The following POLRMT variants were observed in gnomAD, a reference collection of about 807,000 sequenced individuals.
The protein encoded by POLRMT is RNA polymerase mitochondrial, also known as DNA-directed RNA polymerase, mitochondrial.
A neutral mutation model predicts 132.2 loss-of-function variants in POLRMT; 114 were observed. The observed-to-expected ratio is 0.86, with a 90% CI of 0.74 to 1.01. POLRMT has a LOEUF of 1.01. Ranked by LOEUF, POLRMT falls within the 50% of genes least tolerant of loss-of-function variation. The pLI, the probability that POLRMT is intolerant of heterozygous loss-of-function variation, is 0.00. For synonymous variants in POLRMT, 1,020 were observed against 773.4 expected (o/e 1.32, Z -5.29); for missense variants, 2,003 against 1,729.1 (o/e 1.16, Z -2.81).
intron 2 of POLRMT, among the ~76,000 whole-genome samples, chr19:631,037 T>C (rs1429895150): frequency 1.3e-5 from 2 of 151,904 alleles, no homozygotes; most frequent in Non-Finnish European, 2.9e-5. Context: ...CATGTGTCTA[T>C]AGTACCAGCT....
chr19:633,324 G>A lies in POLRMT; in HGVS notation c.88+101C>T, dbSNP rs375526877. On this transcript the variant is annotated intron_variant, in intron 1 of 20. Coordinates refer to ENST00000588649, the MANE Select transcript of POLRMT (RefSeq NM_005035.4). Reference sequence around the variant, plus strand: ...CGGGTCGGTGGGCTGCGCACGCCCAGGTGCAAAGAGGCAAAGGTCAAAGCG... The same window carrying A: ...CGGGTCGGTGGGCTGCGCACGCCCAAGTGCAAAGAGGCAAAGGTCAAAGCG... 51 of 1,325,744 alleles carry A rather than the reference G, an allele frequency of 3.8e-5. 2 individuals are homozygous for A. The East Asian group carries it at 8.2e-4, about 21-fold the overall frequency. 82.1% of individuals were successfully genotyped at this position (1,325,744 alleles called of 1,614,324 possible). A position where few individuals can be genotyped will look rare whatever the true frequency, so the allele number is the denominator to read the frequency against.
chr19:632,536 C>CGG (rs1286873223), intron 2 of POLRMT, among the ~76,000 whole-genome samples: 548 of 70,638 alleles, frequency 7.8e-3, no homozygotes, highest in Non-Finnish European at 0.013. Flanking sequence ...GCGGCGGGGC[C>CGG]GGGGGGGGGG....
At position 632,941 on chromosome 19, in the gene POLRMT, G is replaced by C. The variant is rs1219968551; in HGVS notation, c.89-3C>G. On this transcript the variant is annotated splice_region_variant and splice_polypyrimidine_tract_variant and intron_variant, in intron 1 of 20. Coordinates refer to ENST00000588649, the MANE Select transcript of POLRMT (RefSeq NM_005035.4). ...GCCGCAGACGCCACCGGCGGTCCCT[G>C]CGGGAAAGACGAGAGCGGCTGAGCG... The C allele has an allele frequency of 6.0e-6, 9 of 1,503,494 alleles. No homozygotes were observed. The highest frequency in any genetic ancestry group is 7.1e-6 in the Non-Finnish European group (8 of 1,130,726). The allele number at this position is 1,503,494 out of a possible 1,614,324, so 93.1% of individuals were successfully genotyped here. A position where few individuals can be genotyped will look rare whatever the true frequency, so the allele number is the denominator to read the frequency against.
chr19:633,392 C>T (rs763826649), intron 1 of POLRMT, 33 bp downstream of exon 1: 1 of 1,486,948 alleles, frequency 6.7e-7, no homozygotes, highest in East Asian at 2.7e-5. Flanking sequence ...CGCCGTGGCC[C>T]CCGGGCTGCC....
At chr19:623,751 T>A in intron 5 of POLRMT, 148 bp from the exon 6 acceptor site, 1 of 1,006,508 alleles carries the variant, frequency 9.9e-7, no homozygotes, top group Non-Finnish European at 1.4e-6. Flanking sequence ...GGGCTGCGGG[T>A]AAAGTCAGTG....
At chr19:620,541 G>C (rs944677308) in intron 10 of POLRMT, 54 bp from the exon 11 acceptor site, 1 of 1,472,684 alleles carries the variant, frequency 6.8e-7, no homozygotes, top group Non-Finnish European at 9.0e-7. Context: ...CCCTGAGCCC[G>C]CTGGGAGGCT....
intron 3 of POLRMT, among the ~76,000 whole-genome samples, chr19:628,002 A>G (rs1985145954): frequency 6.6e-6 from 1 of 151,728 alleles, no homozygotes; most frequent in Non-Finnish European, 1.5e-5. Flanking sequence ...TACTAAAAAT[A>G]AAAATTAAAA....
chr19:624,139 T>A (rs914915925), intron 5 of POLRMT, among the ~76,000 whole-genome samples: 1 of 152,112 alleles, frequency 6.6e-6, no homozygotes, highest in East Asian at 1.9e-4. Context: ...CACCGGAGCA[T>A]GACTCAGCCC....
At chr19:623,333 G>C (rs1262888737) in intron 6 of POLRMT, 121 bp downstream of exon 6, 12 of 1,470,008 alleles carry the variant, frequency 8.2e-6, no homozygotes, top group Non-Finnish European at 1.1e-5. Flanking sequence ...CCCCTGCGGC[G>C]GACACGCGAC....
chr19:631,495 C>A (rs1465446912), intron 2 of POLRMT, among the ~76,000 whole-genome samples: 1 of 151,058 alleles, frequency 6.6e-6, no homozygotes, highest in Non-Finnish European at 1.5e-5. Flanking sequence ...AAAAATTAAC[C>A]GGGCGTGGTG....
At position 617,769 on chromosome 19, in the gene POLRMT, GGGGGCACCT is replaced by G; in HGVS notation, c.3494_3495+7del. ...ATGGGTGGACTGAGGCTCAGACTAC[GGGGGCACCT>G]GGTTCATGACGGAGACATCAGCTGC... On this transcript the variant is annotated splice_donor_variant and splice_donor_5th_base_variant and coding_sequence_variant and intron_variant, in exon 18 of 21. Coordinates refer to ENST00000588649, the MANE Select transcript of POLRMT (RefSeq NM_005035.4). LOFTEE classifies it high-confidence loss of function. 1.2e-6 allele frequency: 2 copies of G among 1,613,020 alleles called. No individual in the cohort carries two copies. The highest frequency in any genetic ancestry group is 1.7e-6 in the Non-Finnish European group (2 of 1,179,700).
At position 618,518 on chromosome 19, in the gene POLRMT, T is replaced by A. The variant is rs766315941; in HGVS notation, c.3392A>T (p.His1131Leu). 6.2e-7 allele frequency: 1 copy of A among 1,612,856 alleles called. No individual in the cohort carries two copies. Among genetic ancestry groups the A allele is most frequent in the Non-Finnish European group, 8.5e-7 (1 of 1,179,264 alleles). Reference sequence around the variant, plus strand: ...GCAGTGCAGGGCGGTGAGCATCATGTGGGAGGAGTCCAGCGAGTGGATGAA... The same window carrying A: ...GCAGTGCAGGGCGGTGAGCATCATGAGGGAGGAGTCCAGCGAGTGGATGAA... ...PNFIHSLDSS[H>L]MMLTALHCYR... Residue 1131 changes from histidine to leucine, a missense_variant, in exon 17 of 21, where the codon CAC (histidine) becomes CTC (leucine). Physicochemically the swap from His to Leu is moderately conservative, Grantham distance 99. Transcript: ENST00000588649.
chr19:619,309 G>C lies in POLRMT; in HGVS notation c.3067-13C>G. On this transcript the variant is annotated splice_polypyrimidine_tract_variant and intron_variant, in intron 13 of 20. Transcript: ENST00000588649. ...CCCACACGAACTCCTGCAGAGGGCG[G>C]GCAGCAGGTGCAGGTCCTCAGGGGC... The C allele has an allele frequency of 6.2e-7, 1 of 1,608,302 alleles. No homozygotes were observed. Among genetic ancestry groups the C allele is most frequent in the East Asian group, 2.2e-5 (1 of 44,804 alleles).
rs762676956 is a variant in POLRMT, at chr19:624,802, T to A, written c.1057A>T (p.Lys353Ter). Reference sequence around the variant, plus strand: ...GGGAGGCTGAAGGTGGGCTTCACCTTGTGCACGGCCTTCAGAACAGTGGCC... The same window carrying A: ...GGGAGGCTGAAGGTGGGCTTCACCTAGTGCACGGCCTTCAGAACAGTGGCC... ...DRATVLKAVH[K>*]VKPTFSLPPQ... The change falls in exon 5 of 21, where the codon AAG becomes TAG. Residue 353 changes from lysine to a stop codon, truncating the protein, a stop_gained. Coordinates refer to ENST00000588649, the MANE Select transcript of POLRMT (RefSeq NM_005035.4). LOFTEE classifies it high-confidence loss of function. 1 of 1,613,518 alleles carries A rather than the reference T, an allele frequency of 6.2e-7. No homozygotes were observed. Among genetic ancestry groups the A allele is most frequent in the Non-Finnish European group, 8.5e-7 (1 of 1,180,008 alleles).
chr19:622,117 GC>G (rs755065394), intron 9 of POLRMT, 31 bp downstream of exon 9: 2 of 1,507,214 alleles, frequency 1.3e-6, no homozygotes, highest in Non-Finnish European at 1.8e-6. Flanking sequence ...CCAGCGGGAT[GC>G]CCCCCAGCTC....
At chr19:619,358 C>T in intron 13 of POLRMT, 62 bp from the exon 14 acceptor site, 2 of 1,553,174 alleles carry the variant, frequency 1.3e-6, no homozygotes, top group Non-Finnish European at 8.8e-7. Context: ...CCCTACTCCC[C>T]CCTATTTCAG....
rs748687181 is a variant in POLRMT, at chr19:621,775, G to A, written c.1923C>T (p.Phe641=). 4.4e-6 allele frequency: 7 copies of A among 1,601,966 alleles called. No individual in the cohort carries two copies. Among genetic ancestry groups the A allele is most frequent in the Admixed American group, 1.7e-5 (1 of 59,992 alleles). Reference sequence around the variant, plus strand: ...AAAGCATGGGTACATCCACCGCCTCGAAGGTCAGCGTGGGCTCCGCGGCCT... The same window carrying A: ...AAAGCATGGGTACATCCACCGCCTCAAAGGTCAGCGTGGGCTCCGCGGCCT... The part of the protein sequence containing the change: ...LEKAAEPTLT[F]EAVDVPMLCP... The change falls in exon 10 of 21, where the codon TTC becomes TTT. Residue 641 remains phenylalanine (F), a synonymous_variant. Coordinates refer to ENST00000588649, the MANE Select transcript of POLRMT (RefSeq NM_005035.4).
intron 2 of POLRMT, 132 bp downstream of exon 2, chr19:632,702 G>A: frequency 5.8e-6 from 4 of 692,046 alleles, no homozygotes; most frequent in South Asian, 2.0e-5. Context: ...CAGCAACGCC[G>A]TCTGGGCGTG....
chr19:619,054 C>A lies in POLRMT; in HGVS notation c.3210G>T (p.Trp1070Cys). ...TGACGGGGACGCCCAGGGGTGTGAC[C>A]CACTCCACCACAGAGCCCATGTGGG... ...LISHMGSVVEWVTPLGVPVIQ... is the reference protein window; with the variant it reads ...LISHMGSVVECVTPLGVPVIQ... The change falls in exon 15 of 21, where the codon TGG becomes TGT. Residue 1070 changes from tryptophan to cysteine, a missense_variant. Coordinates refer to ENST00000588649, the MANE Select transcript of POLRMT (RefSeq NM_005035.4). 1.2e-6 allele frequency: 2 copies of A among 1,607,610 alleles called. No individual in the cohort carries two copies. Among genetic ancestry groups the A allele is most frequent in the Non-Finnish European group, 1.7e-6 (2 of 1,177,484 alleles).
Sources: gnomAD v4.1 joint callset for allele counts (sites outside exome capture counted in the v4.1 genomes callset) on GRCh38, gnomAD v4.1.1 for gene constraint, MANE v1.5 for transcripts, NCBI Gene and HGNC (gene_info 2026-07-23, HGNC 2026-07-21) for gene names.